PRIM2: variants seen among roughly 807,000 people sequenced by gnomAD.
The protein encoded by PRIM2 is DNA primase large subunit.
Under a neutral mutation model 67.3 loss-of-function variants are expected in PRIM2, and 39 were observed. The observed-to-expected ratio is 0.58, with a 90% CI of 0.45 to 0.76. PRIM2 has a LOEUF of 0.76. Among genes scored for constraint, PRIM2 ranks in the 30% least tolerant of loss-of-function variants. PRIM2 has a pLI of 0.00. For synonymous variants in PRIM2, 143 were observed against 198.7 expected (o/e 0.72, Z 2.36); for missense variants, 398 against 598.7 (o/e 0.66, Z 3.50).
chr6:57,606,191 C>T (rs1470234525), intron 11 of PRIM2, among the ~76,000 whole-genome samples, 184 bp from the exon 12 acceptor site: 1 of 152,194 alleles, frequency 6.6e-6, no homozygotes, highest in Non-Finnish European at 1.5e-5. Flanking sequence ...GCCCTGATAA[C>T]CATACAGCTA....
the PRIM2 span, among the ~76,000 whole-genome samples, chr6:57,257,016 A>G: frequency 3.3e-5 from 5 of 152,198 alleles, no homozygotes; most frequent in African/African-American, 1.2e-4. Flanking sequence ...GGCCAAATTA[A>G]TTCTGACAGA....
rs1326145889 is a variant in PRIM2, at chr6:57,490,175, C to A, written c.694-17212C>A. Reference sequence around the variant, plus strand: ...CTGAGATTGCCTTCTTCCAGTGCTGCTGCTTTCTGGGACTTTAAAGGCTAA... The same window carrying A: ...CTGAGATTGCCTTCTTCCAGTGCTGATGCTTTCTGGGACTTTAAAGGCTAA... On this transcript the variant is annotated intron_variant, in intron 7 of 13. Coordinates refer to ENST00000615550, the MANE Select transcript of PRIM2 (RefSeq NM_000947.5). 2.6e-4 allele frequency among the ~76,000 whole-genome samples: 39 copies of A among 152,160 alleles called. 1 individual carries two copies. Among genetic ancestry groups the A allele is most frequent in the East Asian group, 2.1e-3 (11 of 5,196 alleles).
intron 10 of PRIM2, among the ~76,000 whole-genome samples, chr6:57,559,185 T>C (rs1775580351): frequency 6.6e-6 from 1 of 151,708 alleles, no homozygotes; most frequent in African/African-American, 2.4e-5. Flanking sequence ...AGATATAAGA[T>C]CAGTGCCTCT....
intron 7 of PRIM2, among the ~76,000 whole-genome samples, chr6:57,479,788 C>T (rs1486968318): frequency 6.6e-6 from 1 of 152,180 alleles, no homozygotes; most frequent in Admixed American, 6.5e-5. Flanking sequence ...GTTTGCTTAT[C>T]TGTAAACTAC....
At chr6:57,374,303 ATTTTT>A (rs778117079) in intron 5 of PRIM2, among the ~76,000 whole-genome samples, 3 of 139,792 alleles carry the variant, frequency 2.1e-5, no homozygotes, top group Non-Finnish European at 4.7e-5. Flanking sequence ...TTATTTATTT[ATTTTT>A]TTTGAGACGG....
At chr6:57,244,137 A>G in the PRIM2 span, among the ~76,000 whole-genome samples, 3 of 152,190 alleles carry the variant, frequency 2.0e-5, no homozygotes, top group Admixed American at 2.0e-4. Context: ...GAGCTCACCT[A>G]CCGCAGCCAA....
chr6:57,393,350 T>A (rs1770420749), intron 7 of PRIM2, among the ~76,000 whole-genome samples: 1 of 152,142 alleles, frequency 6.6e-6, no homozygotes, highest in South Asian at 2.1e-4. Flanking sequence ...TGGCCATTCT[T>A]GCAGGAGTAA....
intron 12 of PRIM2, among the ~76,000 whole-genome samples, chr6:57,615,292 A>T (rs2127495476): frequency 6.6e-6 from 1 of 151,928 alleles, no homozygotes; most frequent in Admixed American, 6.6e-5. Context: ...CGAGGCATGC[A>T]CCTGTAGTGT....
At chr6:57,544,142 T>A (rs1775237388) in intron 10 of PRIM2, among the ~76,000 whole-genome samples, 1 of 152,116 alleles carries the variant, frequency 6.6e-6, no homozygotes, top group African/African-American at 2.4e-5. Flanking sequence ...CTGGCCGAGT[T>A]TGGTCAGTAA....
At chr6:57,416,005 A>G (rs75976148) in intron 7 of PRIM2, among the ~76,000 whole-genome samples, 19 of 152,304 alleles carry the variant, frequency 1.2e-4, no homozygotes, top group African/African-American at 4.3e-4. Flanking sequence ...GTTAATGTTG[A>G]TATTTCCTCT....
At chr6:57,321,143 G>C in intron 3 of PRIM2, among the ~76,000 whole-genome samples, 1 of 152,136 alleles carries the variant, frequency 6.6e-6, no homozygotes, top group East Asian at 1.9e-4. Context: ...GAGAGAAGGG[G>C]ACCGGTTGAA....
At chr6:57,352,888 TCTTC>T (rs1172907305) in intron 5 of PRIM2, among the ~76,000 whole-genome samples, 1 of 152,176 alleles carries the variant, frequency 6.6e-6, no homozygotes, top group African/African-American at 2.4e-5. Context: ...TTTGTATGTT[TCTTC>T]CTTCTGCTTT....
intron 7 of PRIM2, among the ~76,000 whole-genome samples, chr6:57,451,779 CTTTTTT>C (rs146616279): frequency 7.5e-6 from 1 of 134,016 alleles, no homozygotes; most frequent in Non-Finnish European, 1.6e-5. Flanking sequence ...CATTTCCTTT[CTTTTTT>C]TTTTTTTTAA....
intron 5 of PRIM2, among the ~76,000 whole-genome samples, chr6:57,363,927 C>T (rs1769273389): frequency 6.6e-6 from 1 of 152,146 alleles, no homozygotes; most frequent in African/African-American, 2.4e-5. Context: ...TTTTCATCCT[C>T]AGGTTGTGTC....
intron 5 of PRIM2, among the ~76,000 whole-genome samples, chr6:57,328,397 T>C (rs771847553): frequency 6.6e-6 from 1 of 152,210 alleles, no homozygotes; most frequent in Non-Finnish European, 1.5e-5. Context: ...CTGCTTTCTG[T>C]CTCTGGATTT....
chr6:57,274,943 A>ATTTTTTTTTTTTTT, the PRIM2 span, among the ~76,000 whole-genome samples: 1 of 137,388 alleles, frequency 7.3e-6, no homozygotes, highest in African/African-American at 2.8e-5. Flanking sequence ...CACCTGGCTA[A>ATTTTTTTTTTTTTT]TTTTTTTTTT....
At chr6:57,323,403 A>G (rs1767728048) in intron 3 of PRIM2, among the ~76,000 whole-genome samples, 1 of 152,104 alleles carries the variant, frequency 6.6e-6, no homozygotes, top group African/African-American at 2.4e-5. Context: ...AGCACCTTGG[A>G]TATAGGCTGG....
intron 5 of PRIM2, among the ~76,000 whole-genome samples, chr6:57,346,917 T>A (rs1768694801): frequency 6.6e-6 from 1 of 152,146 alleles, no homozygotes; most frequent in South Asian, 2.1e-4. Context: ...TGTGAATATA[T>A]CCATTCTGCT....
intron 5 of PRIM2, among the ~76,000 whole-genome samples, chr6:57,327,326 C>G (rs545719129): frequency 6.6e-6 from 1 of 152,080 alleles, no homozygotes; most frequent in Non-Finnish European, 1.5e-5. Flanking sequence ...TGTTGGAATG[C>G]GTGGCTTAAA....
Sources: gnomAD v4.1 joint callset for allele counts (sites outside exome capture counted in the v4.1 genomes callset) on GRCh38, gnomAD v4.1.1 for gene constraint, MANE v1.5 for transcripts, NCBI Gene and HGNC (gene_info 2026-07-23, HGNC 2026-07-21) for gene names.